NXPE1: variants seen among roughly 807,000 people sequenced by gnomAD.
NXPE1 encodes neurexophilin and PC-esterase domain family member 1.
NXPE1 carries 31 observed loss-of-function variants against 33.3 expected under a neutral mutation model. The ratio of observed to expected loss-of-function variants is 0.93; its 90% CI spans 0.70 to 1.26. The LOEUF (loss-of-function observed/expected upper bound fraction) is 1.26, where lower values mean the gene tolerates loss of function less well. Among genes scored for constraint, NXPE1 ranks in the 50% most tolerant of loss-of-function variants. NXPE1 has a pLI of 0.00. For missense variants in NXPE1, 661 were observed against 655.6 expected (o/e 1.01, Z -0.09); for synonymous variants, 229 against 231.4 (o/e 0.99, Z 0.09).
intron 5 of NXPE1, among the ~76,000 whole-genome samples, chr11:114,542,288 A>G (rs1565310172): frequency 6.6e-6 from 1 of 152,174 alleles, no homozygotes; most frequent in Non-Finnish European, 1.5e-5. Context: ...AAGAAGACAA[A>G]CTGACCTTTA....
chr11:114,554,598 TAA>T (rs1313284877), intron 1 of NXPE1, among the ~76,000 whole-genome samples: 1 of 152,184 alleles, frequency 6.6e-6, no homozygotes, highest in Non-Finnish European at 1.5e-5. Flanking sequence ...ACATGCTAAA[TAA>T]CAAAATTTAG....
Position 114,551,377 on chromosome 11 carries a change from G to A in NXPE1, c.-11+6C>T. 7.2e-7 allele frequency: 1 copy of A among 1,392,062 alleles called. No homozygotes were observed. The highest frequency in any genetic ancestry group is 9.3e-7 in the Non-Finnish European group (1 of 1,077,584). The allele number at this position is 1,392,062 out of a possible 1,614,324, so 86.2% of individuals were successfully genotyped here. ...AACAACTCATACCCCCAATCCCTTT[G>A]TCTACCTATTGGATACTTCTTGTCG... On this transcript the variant is annotated splice_donor_region_variant and intron_variant, in intron 4 of 8. Coordinates refer to ENST00000534921, the Ensembl canonical transcript of NXPE1.
At chr11:114,558,047 A>G (rs561424311) in intron 1 of NXPE1, among the ~76,000 whole-genome samples, 2 of 152,082 alleles carry the variant, frequency 1.3e-5, no homozygotes, top group African/African-American at 4.8e-5. Flanking sequence ...TCACTGCCCC[A>G]GTTGCTCTCT....
rs761991843 is a variant in NXPE1, at chr11:114,522,508, TA to T, written c.1109-6del. 1.9e-6 allele frequency: 3 copies of T among 1,570,746 alleles called. No homozygotes were observed. Among genetic ancestry groups the T allele is most frequent in the African/African-American group, 1.4e-5 (1 of 72,916 alleles). ...GAAGATCAAAAAACTTCAGTGCTGA[TA>T]AAAAAACAAATAGATGTTTTAAATA... On this transcript the variant is annotated splice_region_variant and splice_polypyrimidine_tract_variant and intron_variant, in intron 8 of 8. Transcript: ENST00000534921.
chr11:114,523,264 G>C (rs183709479), intron 7 of NXPE1, among the ~76,000 whole-genome samples, 173 bp from the exon 8 acceptor site: 18 of 152,008 alleles, frequency 1.2e-4, no homozygotes, highest in Admixed American at 6.6e-4. Context: ...AGGCACTTCT[G>C]CTTATTCCTT....
At chr11:114,535,769 T>C (rs1438830181) in intron 5 of NXPE1, among the ~76,000 whole-genome samples, 2 of 152,064 alleles carry the variant, frequency 1.3e-5, no homozygotes, top group South Asian at 2.1e-4. Context: ...CAGGAGCACC[T>C]AGATTCATAA....
chr11:114,527,916 T>C lies in NXPE1; in HGVS notation c.834-15A>G, dbSNP rs79589894. 2.9e-6 allele frequency: 4 copies of C among 1,381,968 alleles called. No homozygotes were observed. The highest frequency in any genetic ancestry group is 1.8e-4 in the Middle Eastern group (1 of 5,536). The allele number at this position is 1,381,968 out of a possible 1,614,324, so 85.6% of individuals were successfully genotyped here. On this transcript the variant is annotated splice_polypyrimidine_tract_variant and intron_variant, in intron 6 of 8. Coordinates refer to ENST00000534921, the Ensembl canonical transcript of NXPE1. ...CCACTTTGGACCTTCAAAAAAAAAA[T>C]AGAACAATAAATTAGCCTGCTCTCT...
chr11:114,522,135 A>G (rs1947228325), exon 9 of NXPE1: 1 of 1,613,954 alleles, frequency 6.2e-7, no homozygotes, highest in South Asian at 1.1e-5. Flanking sequence ...TAACCATGGA[A>G]GTCTCCAAAC....
chr11:114,550,941 G>A (rs1948458612), intron 5 of NXPE1, among the ~76,000 whole-genome samples, 162 bp downstream of exon 5: 1 of 152,090 alleles, frequency 6.6e-6, no homozygotes, highest in African/African-American at 2.4e-5. Context: ...GAGGTTGTTG[G>A]TGTCCACAAT....
exon 6 of NXPE1, chr11:114,530,884 T>C (rs1460571231): frequency 4.3e-6 from 7 of 1,612,218 alleles, no homozygotes; most frequent in Non-Finnish European, 5.1e-6. Flanking sequence ...TGGACAGAGA[T>C]GGATAAGTTT....
chr11:114,536,075 A>T (rs1031430852), intron 5 of NXPE1, among the ~76,000 whole-genome samples: 4 of 152,320 alleles, frequency 2.6e-5, no homozygotes, highest in African/African-American at 7.2e-5. Flanking sequence ...AAATTATAAC[A>T]AACTGTCTCT....
At chr11:114,548,331 T>C (rs937529583) in intron 5 of NXPE1, among the ~76,000 whole-genome samples, 1 of 152,082 alleles carries the variant, frequency 6.6e-6, no homozygotes, top group African/African-American at 2.4e-5. Context: ...ATCGTGTAGA[T>C]ATATACTGAA....
At chr11:114,529,222 G>A (rs1354017457) in intron 6 of NXPE1, 1 of 162,620 alleles carries the variant, frequency 6.1e-6, no homozygotes, top group Non-Finnish European at 1.3e-5. Flanking sequence ...AAGGGTACTG[G>A]CAGAATTGAA....
At chr11:114,536,896 A>G (rs936957819) in intron 5 of NXPE1, among the ~76,000 whole-genome samples, 1 of 152,174 alleles carries the variant, frequency 6.6e-6, no homozygotes. Context: ...TATTCCAATC[A>G]GTAGAAAACG....
chr11:114,533,972 T>C (rs1162084046), intron 5 of NXPE1, among the ~76,000 whole-genome samples: 2 of 152,230 alleles, frequency 1.3e-5, no homozygotes, highest in Admixed American at 6.5e-5. Context: ...GATCTGAGAA[T>C]GGGCAGACTG....
At chr11:114,536,191 A>T (rs973116435) in intron 5 of NXPE1, among the ~76,000 whole-genome samples, 18 of 152,240 alleles carry the variant, frequency 1.2e-4, no homozygotes, top group Non-Finnish European at 1.8e-4. Flanking sequence ...TACTGGGTAC[A>T]TAATGAAATG....
rs1288831518 is a variant in NXPE1, at chr11:114,530,731, T to C, written c.277A>G (p.Asn93Asp). ...CTGTGTGTGGCACTGGTGGTGGTGT[T>C]CACATGGGTGAAAGGTCTGGGTGGG... The change falls in exon 6 of 9, where the codon AAC becomes GAC. Residue 93 changes from asparagine (N) to aspartate (D), a missense_variant. By Grantham distance (23) the Asn-to-Asp change is conservative. Coordinates refer to ENST00000534921, the Ensembl canonical transcript of NXPE1. The C allele has an allele frequency of 2.5e-6, 4 of 1,614,080 alleles. No homozygotes were observed. The African/African-American group carries it at 5.3e-5, about 22-fold the overall frequency.
At chr11:114,559,636 C>T (rs1396026019) in intron 1 of NXPE1, among the ~76,000 whole-genome samples, 162 bp downstream of exon 1, 3 of 151,932 alleles carry the variant, frequency 2.0e-5, no homozygotes, top group South Asian at 4.2e-4. Flanking sequence ...CCCACACTTT[C>T]TTCTGAGCTT....
chr11:114,540,014 A>G (rs576168584), intron 5 of NXPE1, among the ~76,000 whole-genome samples: 1 of 152,218 alleles, frequency 6.6e-6, no homozygotes. Context: ...TAATTTCCTT[A>G]TGACCTCACA....
Sources: gnomAD v4.1 joint callset for allele counts (sites outside exome capture counted in the v4.1 genomes callset) on GRCh38, gnomAD v4.1.1 for gene constraint, MANE v1.5 for transcripts, NCBI Gene and HGNC (gene_info 2026-07-23, HGNC 2026-07-21) for gene names.